Variants in PCNX2 observed in about 807,000 individuals in gnomAD.
PCNX2 encodes pecanex-like protein 2.
In PCNX2, 168 loss-of-function variants were observed where a neutral mutation model predicts 223.8. The observed-to-expected ratio is 0.75, with a 90% CI of 0.66 to 0.85. The LOEUF (loss-of-function observed/expected upper bound fraction) is 0.85, where lower values mean the gene tolerates loss of function less well. PCNX2 is among the 40% of genes least tolerant of loss of function. The pLI, the probability that PCNX2 is intolerant of heterozygous loss-of-function variation, is 0.00. For missense variants in PCNX2, 2,507 were observed against 2,675.5 expected, an observed-to-expected ratio of 0.94 and a Z score of 1.39; for synonymous variants, 1,006 against 1,052.6, an observed-to-expected ratio of 0.96 and a Z score of 0.86.
At chr1:233,069,504 G>C (rs1292238901) in intron 23 of PCNX2, among the ~76,000 whole-genome samples, 3 of 151,982 alleles carry the variant, frequency 2.0e-5, no homozygotes, top group Admixed American at 1.3e-4. Flanking sequence ...AAATCATACA[G>C]AGTTTGTTCT....
intron 7 of PCNX2, 65 bp from the exon 8 acceptor site, chr1:233,250,897 T>TG (rs1659411520): frequency 6.8e-7 from 1 of 1,477,800 alleles, no homozygotes; most frequent in African/African-American, 1.4e-5. Context: ...CGTTTCAACT[T>TG]ATACAATTTT....
intron 23 of PCNX2, among the ~76,000 whole-genome samples, chr1:233,084,292 G>A (rs1317674964): frequency 6.6e-6 from 1 of 152,180 alleles, no homozygotes; most frequent in Non-Finnish European, 1.5e-5. Flanking sequence ...ATTATTTCTT[G>A]CTGAGAAAGG....
intron 23 of PCNX2, 81 bp downstream of exon 23, chr1:233,089,980 C>A: frequency 6.3e-7 from 1 of 1,590,614 alleles, no homozygotes; most frequent in Admixed American, 1.8e-5. Context: ...GAGCCAGGGA[C>A]CTCCTAACAG....
chr1:233,110,523 T>A (rs549938446), intron 21 of PCNX2, among the ~76,000 whole-genome samples: 1 of 152,358 alleles, frequency 6.6e-6, no homozygotes, highest in African/African-American at 2.4e-5. Context: ...CAAGAGCTGT[T>A]CAAGAAAGTT....
At chr1:233,290,622 G>T in intron 1 of PCNX2, 1 of 540,436 alleles carries the variant, frequency 1.9e-6, no homozygotes, top group Non-Finnish European at 2.4e-6. Flanking sequence ...TCACCAATTA[G>T]CTGTAATAAC....
In PCNX2 at chr1:233,064,350, G is replaced by A. The variant is rs185137632; in HGVS notation, c.4077-7060C>T. On this transcript the variant is annotated intron_variant, in intron 23 of 33. Coordinates refer to ENST00000258229, the MANE Select transcript of PCNX2 (RefSeq NM_014801.4). ...TAGTATCGTTTTGAACTCCAAGCCC[G>A]CATGTGACAAAAGATTAGTATTGTC... Among the ~76,000 whole-genome samples the A allele has an allele frequency of 4.0e-4, 61 of 152,200 alleles. 1 individual carries two copies. In the Middle Eastern group the frequency reaches 0.01, roughly 25 times the overall value.
chr1:233,176,952 C>T (rs1572024195), intron 17 of PCNX2, among the ~76,000 whole-genome samples: 1 of 152,176 alleles, frequency 6.6e-6, no homozygotes, highest in East Asian at 1.9e-4. Flanking sequence ...GCGGAGCTTG[C>T]AGTGAGCCGA....
At chr1:233,120,202 G>GAAAAAAAA (rs148327443) in intron 21 of PCNX2, among the ~76,000 whole-genome samples, 1 of 127,070 alleles carries the variant, frequency 7.9e-6, no homozygotes, top group Non-Finnish European at 1.6e-5. Flanking sequence ...AAAGAAAAAA[G>GAAAAAAAA]AAAAAAAAAG....
Position 233,135,126 on chromosome 1 carries a change from C to T in PCNX2, c.3724G>A (p.Val1242Ile). The T allele has an allele frequency of 6.2e-7, 1 of 1,613,792 alleles. No homozygotes were observed. Among genetic ancestry groups the T allele is most frequent in the Non-Finnish European group, 8.5e-7 (1 of 1,179,738 alleles). ...AAGCTCAAGTTAATAAACTGGTAAACCGGGTTGCAGAATGATGTCCGCAAC... is the reference window on the plus strand; with the variant it reads ...AAGCTCAAGTTAATAAACTGGTAAATCGGGTTGCAGAATGATGTCCGCAAC... ...KLLRTSFCNP[V>I]YQFINLSFTV... Residue 1242 changes from valine to isoleucine, a missense_variant, in exon 21 of 34, where the codon GTT becomes ATT. Val to Ile is a conservative substitution (Grantham distance 29). Transcript: ENST00000258229.
intron 2 of PCNX2, 58 bp downstream of exon 2, chr1:233,262,900 T>C (rs539289400): frequency 1.0e-5 from 16 of 1,548,616 alleles, no homozygotes; most frequent in East Asian, 2.3e-5. Context: ...AAAAAACTTA[T>C]TTTAATCAAG....
At chr1:233,273,972 C>T (rs1660783969) in intron 1 of PCNX2, among the ~76,000 whole-genome samples, 1 of 152,126 alleles carries the variant, frequency 6.6e-6, no homozygotes, top group South Asian at 2.1e-4. Context: ...AGATGTTTAG[C>T]TTCTCTGGCT....
intron 1 of PCNX2, chr1:233,291,218 G>T: frequency 2.3e-6 from 1 of 434,336 alleles, no homozygotes; most frequent in Non-Finnish European, 3.1e-6. Context: ...GACCTCAGTT[G>T]CTAAACCTAT....
At chr1:233,036,519 A>C (rs1262259080) in intron 25 of PCNX2, among the ~76,000 whole-genome samples, 3 of 151,832 alleles carry the variant, frequency 2.0e-5, no homozygotes, top group Admixed American at 1.3e-4. Flanking sequence ...AGTCCCAGCT[A>C]TTTGGGAGGC....
At chr1:233,156,965 G>A (rs569942410) in intron 19 of PCNX2, among the ~76,000 whole-genome samples, 2 of 152,140 alleles carry the variant, frequency 1.3e-5, no homozygotes, top group East Asian at 3.9e-4. Flanking sequence ...TGAAGCATGA[G>A]CAGCCTGGTG....
chr1:233,047,804 G>A (rs1349441153), intron 25 of PCNX2, among the ~76,000 whole-genome samples: 2 of 152,064 alleles, frequency 1.3e-5, no homozygotes, highest in Admixed American at 6.6e-5. Flanking sequence ...ACAGATCATC[G>A]AGGCGGAAAA....
At chr1:233,294,406 C>A (rs1661947268) in intron 1 of PCNX2, among the ~76,000 whole-genome samples, 1 of 152,142 alleles carries the variant, frequency 6.6e-6, no homozygotes, top group African/African-American at 2.4e-5. Context: ...AGAGTTCTGA[C>A]CCTTTGGATA....
Position 233,070,190 on chromosome 1 carries a change from G to GT in PCNX2, c.4077-12901dup, listed in dbSNP as rs1202021681. ...TGAAATACATAATTTTAAAAGCCCT[G>GT]TAACTATTAACGCCATTTAATTAGT... is the stretch of plus-strand genomic sequence containing the variant. On this transcript the variant is annotated intron_variant, in intron 23 of 33. Coordinates refer to ENST00000258229, the MANE Select transcript of PCNX2 (RefSeq NM_014801.4). Among the ~76,000 whole-genome samples, 5 of 152,182 alleles carry GT rather than the reference G, an allele frequency of 3.3e-5. No individual in the cohort carries two copies. In the South Asian group the frequency reaches 1.0e-3, roughly 32 times the overall value.
intron 17 of PCNX2, among the ~76,000 whole-genome samples, chr1:233,171,618 C>G (rs1011286627): frequency 2.6e-5 from 4 of 152,126 alleles, no homozygotes; most frequent in African/African-American, 9.7e-5. Context: ...GGTCTGTGTG[C>G]TTGGCATGCT....
chr1:233,258,218 A>C lies in PCNX2; in HGVS notation c.1644T>G (p.Ile548Met). The change falls in exon 5 of 34, where the codon ATT becomes ATG. Residue 548 changes from isoleucine to methionine, a missense_variant. Ile to Met is a conservative substitution (Grantham distance 10, BLOSUM62 1). This residue lies in a region of PCNX2 where 1,031 missense variants were observed against 1,021.7 expected (regional missense o/e 1.01). Coordinates refer to ENST00000258229, the MANE Select transcript of PCNX2 (RefSeq NM_014801.4). Reference sequence around the variant, plus strand: ...GCATTGTTTTCTCTGTATCGTTAACAATTTCTGCAGAACTTTTACTCAAGA... The same window carrying C: ...GCATTGTTTTCTCTGTATCGTTAACCATTTCTGCAGAACTTTTACTCAAGA... Reference protein sequence around the residue: ...DVFLSKSSAEIVNDTEKTMPT... With the variant: ...DVFLSKSSAEMVNDTEKTMPT... 1.2e-6 allele frequency: 2 copies of C among 1,613,996 alleles called. No individual in the cohort carries two copies. Among genetic ancestry groups the C allele is most frequent in the Non-Finnish European group, 1.7e-6 (2 of 1,179,902 alleles).
Sources: allele counts gnomAD v4.1 joint callset (sites outside exome capture counted in the v4.1 genomes callset), GRCh38; gene constraint gnomAD v4.1.1; regional missense constraint gnomAD v4.1.1; transcripts MANE v1.5; gene names NCBI Gene and HGNC (gene_info 2026-07-23, HGNC 2026-07-21).